The following ZNF425 variants were observed in gnomAD, a reference collection of about 807,000 sequenced individuals.
The protein encoded by ZNF425 is zinc finger protein 425.
A neutral mutation model predicts 17.0 loss-of-function variants in ZNF425; 21 were observed. The observed-to-expected ratio is 1.23, with a 90% CI of 0.88 to 1.78. The LOEUF is 1.78. Among genes scored for constraint, ZNF425 ranks in the 40% most tolerant of loss-of-function variants. The probability of loss-of-function intolerance (pLI) is 0.00; values close to 1 mark genes in which losing one functional copy is unlikely to be tolerated. For synonymous variants in ZNF425, 433 were observed against 384.1 expected, an observed-to-expected ratio of 1.13 and a Z score of -1.49; for missense variants, 868 against 967.3, an observed-to-expected ratio of 0.90 and a Z score of 1.36.
At position 149,118,241 on chromosome 7, in the gene ZNF425, G is replaced by A. The variant is rs770848398; in HGVS notation, c.126C>T (p.Tyr42=). 1.5e-5 allele frequency: 24 copies of A among 1,613,940 alleles called. No homozygotes were observed. Among genetic ancestry groups the A allele is most frequent in the African/African-American group, 4.0e-5 (3 of 74,910 alleles). ...QMYKQEMKTN[Y]ETLDSLGYAF... ...TCTTACCCAGGGAATCAAGGGTCTCGTAATTGGTCTTCATCTCTTGCTTAT... is the reference window on the plus strand; with the variant it reads ...TCTTACCCAGGGAATCAAGGGTCTCATAATTGGTCTTCATCTCTTGCTTAT... Residue 42 remains tyrosine, a synonymous_variant, in exon 2 of 4, where the codon TAC becomes TAT. Coordinates refer to ENST00000378061, the MANE Select transcript of ZNF425 (RefSeq NM_001001661.3).
At chr7:149,126,125 C>A (rs963368837) in intron 1 of ZNF425, 71 bp downstream of exon 1, 2 of 1,608,120 alleles carry the variant, frequency 1.2e-6, no homozygotes, top group Non-Finnish European at 1.7e-6. Context: ...TCCCTGGACG[C>A]GGACCCCAAT....
intron 3 of ZNF425, among the ~76,000 whole-genome samples, chr7:149,111,275 A>G (rs950979743): frequency 6.6e-6 from 1 of 151,036 alleles, no homozygotes; most frequent in Admixed American, 6.6e-5. Flanking sequence ...ATGGCGAAAC[A>G]CTGTCTCTAC....
chr7:149,123,320 C>T (rs1826391558), intron 1 of ZNF425, among the ~76,000 whole-genome samples: 1 of 152,190 alleles, frequency 6.6e-6, no homozygotes, highest in African/African-American at 2.4e-5. Flanking sequence ...TACTGGACAT[C>T]TTGAAAGATG....
chr7:149,105,191 G>A lies in ZNF425; in HGVS notation c.680C>T (p.Ser227Phe), dbSNP rs1826060889. Residue 227 changes from serine to phenylalanine, a missense_variant, in exon 4 of 4, where the codon TCC becomes TTC. Ser to Phe is a radical substitution (Grantham distance 155, BLOSUM62 -2). Transcript: ENST00000378061. ...LCRYPKYKNSSRGKSELRRTQ... is the reference protein window; with the variant it reads ...LCRYPKYKNSFRGKSELRRTQ... The stretch of plus-strand genomic sequence containing the variant: ...CCGCCTGAGTTCGGACTTCCCTCTG[G>A]ACGAGTTTTTGTACTTTGGGTATCT... The A allele has an allele frequency of 6.2e-7, 1 of 1,614,180 alleles. No individual in the cohort carries two copies. Among genetic ancestry groups the A allele is most frequent in the African/African-American group, 1.3e-5 (1 of 75,040 alleles).
intron 1 of ZNF425, among the ~76,000 whole-genome samples, chr7:149,122,339 A>G (rs1455948806): frequency 6.6e-6 from 1 of 150,566 alleles, no homozygotes; most frequent in Non-Finnish European, 1.5e-5. Context: ...CTAATCTGAA[A>G]CTCCAGGGCT....
chr7:149,111,966 G>A (rs1240217555), intron 3 of ZNF425, 171 bp downstream of exon 3: 3 of 579,860 alleles, frequency 5.2e-6, no homozygotes, highest in Non-Finnish European at 5.8e-6. Context: ...ACAGGCATGA[G>A]CCACCACGCC....
chr7:149,103,993 T>C lies in ZNF425; in HGVS notation c.1878A>G (p.Lys626=). 5 of 1,613,790 alleles carry C rather than the reference T, an allele frequency of 3.1e-6. No homozygotes were observed. The highest frequency in any genetic ancestry group is 4.2e-6 in the Non-Finnish European group (5 of 1,179,814). The change falls in exon 4 of 4, where the codon AAA becomes AAG. Residue 626 remains lysine, a synonymous_variant. Coordinates refer to ENST00000378061, the MANE Select transcript of ZNF425 (RefSeq NM_001001661.3). ...GGCCACTGTGCTGCAGCAGGTGGCTTTTCAGGTTTCCCTTGAGGCGGAAAG... is the reference window on the plus strand; with the variant it reads ...GGCCACTGTGCTGCAGCAGGTGGCTCTTCAGGTTTCCCTTGAGGCGGAAAG... ...EKTFRLKGNL[K]SHLLQHSGQK...
intron 2 of ZNF425, 174 bp from the exon 3 acceptor site, chr7:149,112,469 C>T (rs1462088244): frequency 1.8e-6 from 1 of 543,962 alleles, no homozygotes; most frequent in East Asian, 3.2e-5. Flanking sequence ...TCCGTCTCTA[C>T]TAAAATTACA....
intron 1 of ZNF425, among the ~76,000 whole-genome samples, chr7:149,122,411 C>T (rs1826372973): frequency 6.6e-6 from 1 of 152,012 alleles, no homozygotes; most frequent in Non-Finnish European, 1.5e-5. Flanking sequence ...GCCACCTTGC[C>T]TAGCTGAGCT....
At chr7:149,126,162 G>C (rs1267555796) in intron 1 of ZNF425, 34 bp downstream of exon 1, 1 of 1,613,114 alleles carries the variant, frequency 6.2e-7, no homozygotes, top group East Asian at 2.2e-5. Context: ...CCCGAGTTTC[G>C]ACAGAGCCTG....
Position 149,104,212 on chromosome 7 carries a change from G to C in ZNF425, c.1659C>G (p.Pro553=). 1 of 1,612,720 alleles carries C rather than the reference G, an allele frequency of 6.2e-7. No homozygotes were observed. Among genetic ancestry groups the C allele is most frequent in the East Asian group, 2.2e-5 (1 of 44,858 alleles). ...EHTRLHSGEE[P]FQCPECDKSF... ...TCTTGTCGCACTCGGGACACTGGAA[G>C]GGCTCCTCGCCACTGTGAAGCCTCG... The change falls in exon 4 of 4, where the codon CCC becomes CCG. Residue 553 remains proline (P), a synonymous_variant. Coordinates refer to ENST00000378061, the MANE Select transcript of ZNF425 (RefSeq NM_001001661.3). This position sits in a 1 kb window ranked among gnomAD's most constrained non-coding sequence, Gnocchi z 4.3.
Position 149,104,473 on chromosome 7 carries a change from C to T in ZNF425, c.1398G>A (p.Glu466=). Residue 466 remains glutamate, a synonymous_variant, in exon 4 of 4, where the codon GAG becomes GAA. Transcript: ENST00000378061. This position sits in a 1 kb window ranked among gnomAD's most constrained non-coding sequence, Gnocchi z 4.3. ...ACTCGGCGCAGGGGAAGGGCTTTTG[C>T]TCGCTGTGCAGGCGCTGGTGGGCGC... ...AMRAHQRLHS[E]QKPFPCAECG... 1 of 1,598,420 alleles carries T rather than the reference C, an allele frequency of 6.3e-7. No individual in the cohort carries two copies. Among genetic ancestry groups the T allele is most frequent in the South Asian group, 1.1e-5 (1 of 88,546 alleles).
intron 2 of ZNF425, 74 bp downstream of exon 2, chr7:149,118,148 G>A (rs527516792): frequency 1.9e-6 from 3 of 1,564,652 alleles, no homozygotes; most frequent in Non-Finnish European, 8.8e-7. Flanking sequence ...ACCAGCCCAC[G>A]GCTCATACAG....
rs1826457191 is a variant in ZNF425, at chr7:149,125,874, C to T, written c.18+322G>A. On this transcript the variant is annotated intron_variant, in intron 1 of 3. Transcript: ENST00000378061. ...ACCACACAGATGCAGAACTCAGAGG[C>T]ACCGCGCGACGGACCTAGCGCATAT... 3 of 515,026 alleles carry T rather than the reference C, an allele frequency of 5.8e-6. No individual in the cohort carries two copies. The Admixed American group carries it at 1.0e-4, about 17-fold the overall frequency. The allele number at this position is 515,026 out of a possible 1,614,324, so 31.9% of individuals were successfully genotyped here.
In ZNF425 at chr7:149,112,154, C is replaced by G. The variant is rs1284426695; in HGVS notation, c.287G>C (p.Gly96Ala). 1 of 1,613,606 alleles carries G rather than the reference C, an allele frequency of 6.2e-7. No individual in the cohort carries two copies. The highest frequency in any genetic ancestry group is 1.3e-5 in the African/African-American group (1 of 74,912). The change falls in exon 3 of 4, where the codon GGA becomes GCA. Residue 96 changes from glycine to alanine, a missense_variant. Gly to Ala is a moderately conservative substitution (Grantham distance 60). Around this residue, in one of 5 missense-constraint regions of ZNF425, gnomAD observed 179 missense variants for 216.3 expected, o/e 0.83. Transcript: ENST00000378061. The stretch of plus-strand genomic sequence containing the variant: ...TTACTCACCAAAACATAGCAACTTT[C>G]CAGTATTCTTCATGTTCAACTGTTC... ...TDEQLNMKNT[G>A]KLLCFDDEGT...
At chr7:149,118,594 C>G in intron 1 of ZNF425, 1 of 457,798 alleles carries the variant, frequency 2.2e-6, no homozygotes, top group Non-Finnish European at 4.1e-6. Context: ...GGGTGGATCA[C>G]CTGAGGTCAG....
chr7:149,124,807 C>CT (rs1563149953), intron 1 of ZNF425, among the ~76,000 whole-genome samples: 1 of 152,220 alleles, frequency 6.6e-6, no homozygotes, highest in African/African-American at 2.4e-5. Flanking sequence ...TCCCAAAGTG[C>CT]TGGGATTACT....
intron 3 of ZNF425, among the ~76,000 whole-genome samples, chr7:149,105,812 G>A (rs528447314): frequency 7.0e-4 from 106 of 151,908 alleles, no homozygotes; most frequent in African/African-American, 2.2e-3. Flanking sequence ...CACCACGCCC[G>A]GCTAATTTTT....
In ZNF425 at chr7:149,104,402, C is replaced by G; in HGVS notation, c.1469G>C (p.Arg490Thr). Residue 490 changes from arginine (R) to threonine (T), a missense_variant, in exon 4 of 4, where the codon AGA becomes ACA. Physicochemically the swap from Arg to Thr is moderately conservative, Grantham distance 71 (BLOSUM62 -1). Coordinates refer to ENST00000378061, the MANE Select transcript of ZNF425 (RefSeq NM_001001661.3). The surrounding 1 kb of genome is among the most constrained non-coding windows in gnomAD (Gnocchi z 4.3). ...TRPSKLACHT[R>T]VHDRQKEFPC... ...AAACTCCTTCTGCCTGTCGTGGACT[C>G]TGGTGTGGCAGGCGAGCTTGGAAGG... 6.2e-7 allele frequency: 1 copy of G among 1,607,068 alleles called. No individual in the cohort carries two copies. Among genetic ancestry groups the G allele is most frequent in the Non-Finnish European group, 8.5e-7 (1 of 1,176,592 alleles).
Sources: allele counts gnomAD v4.1 joint callset (sites outside exome capture counted in the v4.1 genomes callset), GRCh38; gene constraint gnomAD v4.1.1; regional missense constraint gnomAD v4.1.1; non-coding constraint Gnocchi (gnomAD v3.1); transcripts MANE v1.5; gene names NCBI Gene and HGNC (gene_info 2026-07-23, HGNC 2026-07-21).